PDE10A: variants seen among roughly 807,000 people sequenced by gnomAD.
PDE10A encodes phosphodiesterase 10A, also known as cAMP and cAMP-inhibited cGMP 3',5'-cyclic phosphodiesterase 10A.
PDE10A carries 39 observed loss-of-function variants against 97.7 expected under a neutral mutation model. The ratio of observed to expected loss-of-function variants is 0.40; its 90% CI spans 0.31 to 0.52. The LOEUF (loss-of-function observed/expected upper bound fraction) is 0.52. PDE10A is among the 20% of genes least tolerant of loss of function. PDE10A has a pLI of 0.56. For missense variants in PDE10A, 731 were observed against 1,047.8 expected (o/e 0.70, Z 4.17); for synonymous variants, 371 against 376.8 (o/e 0.98, Z 0.18).
At chr6:165,963,389 C>T (rs1423621972) in intron 1 of PDE10A, among the ~76,000 whole-genome samples, 5 of 152,208 alleles carry the variant, frequency 3.3e-5, no homozygotes, top group Non-Finnish European at 5.9e-5. Flanking sequence ...AGCTGCTATC[C>T]TCATCTTTAC....
At chr6:165,718,792 A>G (rs946568421) in intron 1 of PDE10A, among the ~76,000 whole-genome samples, 1 of 152,214 alleles carries the variant, frequency 6.6e-6, no homozygotes, top group Non-Finnish European at 1.5e-5. Context: ...TTGCTCTTAC[A>G]TAGGAAAGAA....
chr6:165,459,621 C>T (rs1369826194), intron 3 of PDE10A, among the ~76,000 whole-genome samples: 2 of 151,724 alleles, frequency 1.3e-5, no homozygotes, highest in Admixed American at 6.6e-5. Flanking sequence ...GCAGATTTGG[C>T]TGCTCAGGAT....
chr6:165,384,720 CCTTG>C (rs1785178389), intron 17 of PDE10A, among the ~76,000 whole-genome samples: 1 of 150,998 alleles, frequency 6.6e-6, no homozygotes, highest in Non-Finnish European at 1.5e-5. Flanking sequence ...GTATTATTCT[CCTTG>C]CTTGCTGTTG....
intron 1 of PDE10A, among the ~76,000 whole-genome samples, chr6:165,811,384 T>C (rs1364415689): frequency 6.6e-6 from 1 of 152,266 alleles, no homozygotes; most frequent in African/African-American, 2.4e-5. Flanking sequence ...CGCTAGCCTC[T>C]GCAGAGTCTC....
chr6:165,829,336 C>G (rs1467306232), intron 1 of PDE10A, among the ~76,000 whole-genome samples: 2 of 152,098 alleles, frequency 1.3e-5, no homozygotes, highest in Non-Finnish European at 2.9e-5. Context: ...CTCATGATCT[C>G]ATCGGCCATG....
At chr6:165,669,155 A>C (rs994573671) in intron 1 of PDE10A, among the ~76,000 whole-genome samples, 1 of 152,190 alleles carries the variant, frequency 6.6e-6, no homozygotes, top group African/African-American at 2.4e-5. Context: ...AAATCTTTTG[A>C]AATGAACCCT....
chr6:165,581,312 G>A (rs145324689), intron 1 of PDE10A, among the ~76,000 whole-genome samples: 27 of 152,274 alleles, frequency 1.8e-4, no homozygotes, highest in African/African-American at 6.0e-4. Context: ...CAGTGCAGTG[G>A]CATTTGGAGG....
intron 1 of PDE10A, among the ~76,000 whole-genome samples, chr6:165,883,950 G>A (rs1003798633): frequency 1.1e-4 from 17 of 152,276 alleles, no homozygotes; most frequent in Non-Finnish European, 1.9e-4. Flanking sequence ...GGAGGTCCTC[G>A]AGGGGAAGCC....
At chr6:165,412,099 C>T (rs1583230441) in intron 13 of PDE10A, among the ~76,000 whole-genome samples, 2 of 151,732 alleles carry the variant, frequency 1.3e-5, no homozygotes, top group South Asian at 2.1e-4. Context: ...TGTGATAATA[C>T]ATAATACCAC....
At chr6:165,561,060 A>C (rs1028487356) in intron 1 of PDE10A, among the ~76,000 whole-genome samples, 3 of 152,048 alleles carry the variant, frequency 2.0e-5, no homozygotes, top group African/African-American at 7.2e-5. Flanking sequence ...TCTACTAAAA[A>C]TACAAAAAAT....
At chr6:165,850,981 T>C (rs1367538090) in intron 1 of PDE10A, among the ~76,000 whole-genome samples, 3 of 152,188 alleles carry the variant, frequency 2.0e-5, no homozygotes, top group African/African-American at 7.2e-5. Flanking sequence ...GATCAGACAG[T>C]CTTACTGTGC....
At chr6:165,816,197 C>T (rs981606593) in intron 1 of PDE10A, among the ~76,000 whole-genome samples, 2 of 152,210 alleles carry the variant, frequency 1.3e-5, no homozygotes, top group East Asian at 1.9e-4. Flanking sequence ...GATCTGCCCG[C>T]CTTGGCCTCC....
At chr6:165,622,018 T>C (rs1372160359) in intron 1 of PDE10A, among the ~76,000 whole-genome samples, 1 of 152,200 alleles carries the variant, frequency 6.6e-6, no homozygotes, top group Non-Finnish European at 1.5e-5. Context: ...TTACCCTCTA[T>C]AATGTGTCAT....
chr6:165,652,757 C>T (rs1193470553), intron 1 of PDE10A, among the ~76,000 whole-genome samples: 1 of 152,220 alleles, frequency 6.6e-6, no homozygotes, highest in African/African-American at 2.4e-5. Flanking sequence ...GCCAAATACG[C>T]TTGTATTTTT....
intron 1 of PDE10A, among the ~76,000 whole-genome samples, chr6:165,866,475 G>T (rs1269482174): frequency 6.6e-6 from 1 of 151,386 alleles, no homozygotes; most frequent in Non-Finnish European, 1.5e-5. Context: ...ATGCACTGGT[G>T]CGTAAGGGCA....
intron 1 of PDE10A, among the ~76,000 whole-genome samples, chr6:165,885,903 T>C (rs965155369): frequency 6.6e-6 from 1 of 152,216 alleles, no homozygotes; most frequent in Non-Finnish European, 1.5e-5. Context: ...TGGCTAAAGA[T>C]AGAGAGACCT....
chr6:165,498,571 C>A (rs1780688299), intron 2 of PDE10A, among the ~76,000 whole-genome samples: 1 of 148,730 alleles, frequency 6.7e-6, no homozygotes, highest in Admixed American at 6.8e-5. Context: ...TCTAGCAATT[C>A]TCTGAGGTAT....
At chr6:165,590,687 C>T (rs540223364) in intron 1 of PDE10A, among the ~76,000 whole-genome samples, 5 of 152,086 alleles carry the variant, frequency 3.3e-5, no homozygotes, top group Admixed American at 6.5e-5. Context: ...ATCAGCAGAT[C>T]GAGACCATCC....
intron 1 of PDE10A, among the ~76,000 whole-genome samples, chr6:165,560,702 T>C (rs1784477105): frequency 6.6e-6 from 1 of 152,230 alleles, no homozygotes; most frequent in Admixed American, 6.5e-5. Context: ...AAACTGTAAC[T>C]GCTGACAGTT....
Sources: gnomAD v4.1 joint callset for allele counts (sites outside exome capture counted in the v4.1 genomes callset) on GRCh38, gnomAD v4.1.1 for gene constraint, MANE v1.5 for transcripts, NCBI Gene and HGNC (gene_info 2026-07-23, HGNC 2026-07-21) for gene names.